The following SFSWAP variants were observed in gnomAD, a reference collection of about 807,000 sequenced individuals.
SFSWAP encodes the protein splicing factor SWAP, also known as splicing factor, suppressor of white-apricot homolog.
In SFSWAP, 17 loss-of-function variants were observed where a neutral mutation model predicts 100.7. The observed-to-expected ratio is 0.17, with a 90% CI of 0.12 to 0.25. The LOEUF is 0.25. Ranked by LOEUF, SFSWAP falls within the 10% of genes least tolerant of loss-of-function variation. The pLI is 1.00. For synonymous variants in SFSWAP, 504 were observed against 510.1 expected (o/e 0.99, Z 0.16); for missense variants, 1,005 against 1,262.6 (o/e 0.80, Z 3.09).
At chr12:131,764,746 C>T in intron 12 of SFSWAP, 60 bp downstream of exon 12, 2 of 1,251,804 alleles carry the variant, frequency 1.6e-6, no homozygotes, top group East Asian at 2.5e-5. Flanking sequence ...TAAGATTTAT[C>T]TGCTAAGCCA....
chr12:131,728,068 T>C (rs1487123198), intron 6 of SFSWAP, among the ~76,000 whole-genome samples: 1 of 152,240 alleles, frequency 6.6e-6, no homozygotes, highest in African/African-American at 2.4e-5. Flanking sequence ...TCTGTCCTTT[T>C]CTTGGTAGTT....
chr12:131,754,534 C>A, intron 9 of SFSWAP, 35 bp downstream of exon 9: 2 of 1,400,726 alleles, frequency 1.4e-6, no homozygotes, highest in South Asian at 1.6e-5. Context: ...AGGTATATGG[C>A]ATTTGGGGGT....
rs576403221 is a variant in SFSWAP, at chr12:131,762,228, G to A, written c.1721-2228G>A. Among the ~76,000 whole-genome samples, 9 of 151,174 alleles carry A rather than the reference G, an allele frequency of 6.0e-5. No individual in the cohort carries two copies. In the South Asian group the frequency reaches 6.3e-4, roughly 11 times the overall value. On this transcript the variant is annotated intron_variant, in intron 11 of 17. Coordinates refer to ENST00000261674, the MANE Select transcript of SFSWAP (RefSeq NM_004592.4). Reference sequence around the variant, plus strand: ...AGCCTGGGCGACAGAGCGAGACTCCGTCTCCAAAAAAAAAACAAAAAAAAA... The same window carrying A: ...AGCCTGGGCGACAGAGCGAGACTCCATCTCCAAAAAAAAAACAAAAAAAAA...
intron 11 of SFSWAP, among the ~76,000 whole-genome samples, chr12:131,759,315 C>G (rs1882449651): frequency 6.6e-6 from 1 of 152,060 alleles, no homozygotes; most frequent in Admixed American, 6.6e-5. Context: ...CCTCTCAACC[C>G]AGGCAGTCAG....
In SFSWAP at chr12:131,797,284, G is replaced by A. The variant is rs1885748102; in HGVS notation, c.2641G>A (p.Ala881Thr). Residue 881 changes from alanine to threonine, a missense_variant, in exon 16 of 18, where the codon GCC becomes ACC. By Grantham distance (58) the Ala-to-Thr change is moderately conservative (BLOSUM62 0). This residue lies in a region of SFSWAP where 295 missense variants were observed against 347.9 expected (regional missense o/e 0.85). Coordinates refer to ENST00000261674, the MANE Select transcript of SFSWAP (RefSeq NM_004592.4). ...CAAGCAGGCAGCGCCCCGGCCCGCGGCCCCCGCGGCCCACTCGGCGCACTC... is the reference window on the plus strand; with the variant it reads ...CAAGCAGGCAGCGCCCCGGCCCGCGACCCCCGCGGCCCACTCGGCGCACTC... Reference protein sequence around the residue: ...PSKQAAPRPAAPAAHSAHSAS... With the variant: ...PSKQAAPRPATPAAHSAHSAS... 3 of 1,611,318 alleles carry A rather than the reference G, an allele frequency of 1.9e-6. No homozygotes were observed. The highest frequency in any genetic ancestry group is 2.5e-6 in the Non-Finnish European group (3 of 1,178,984).
At chr12:131,796,025 A>AGGGGAGGGGAGGGGAGAG (rs1593200270) in intron 15 of SFSWAP, 2 of 1,318 alleles carry the variant, frequency 1.5e-3, no homozygotes, top group Admixed American at 0.018. Flanking sequence ...GGAGAGGGGG[A>AGGGGAGGGGAGGGGAGAG]GGGGAGGGGA....
intron 7 of SFSWAP, among the ~76,000 whole-genome samples, chr12:131,749,266 C>CTA (rs1341564340): frequency 6.6e-6 from 1 of 152,174 alleles, no homozygotes; most frequent in South Asian, 2.1e-4. Flanking sequence ...AGTAGCCTCG[C>CTA]TATAAGCCCA....
rs142267239 is a variant in SFSWAP, at chr12:131,754,395, C to T, written c.1350C>T (p.Ile450=). The change falls in exon 9 of 18, where the codon ATC becomes ATT. Residue 450 remains isoleucine (I), a synonymous_variant. Transcript: ENST00000261674. ...CACTTGCCCCCGTGGCCGCCATCAT[C>T]CCCCCGCCCCCCGACGTCCAGCCCG... The part of the protein sequence containing the change: ...TSALAPVAAI[I]PPPPDVQPVI... The T allele has an allele frequency of 3.8e-6, 6 of 1,578,324 alleles. No homozygotes were observed. The highest frequency in any genetic ancestry group is 1.4e-5 in the African/African-American group (1 of 73,034).
chr12:131,775,687 C>G (rs1359379115), intron 13 of SFSWAP, among the ~76,000 whole-genome samples: 2 of 152,146 alleles, frequency 1.3e-5, no homozygotes, highest in Non-Finnish European at 1.5e-5. Flanking sequence ...TTTAAAGGAT[C>G]ATTTAGCATT....
In SFSWAP at chr12:131,711,625, A is replaced by T; in HGVS notation, c.218+178A>T. 1 of 605,364 alleles carries T rather than the reference A, an allele frequency of 1.7e-6. No individual in the cohort carries two copies. Among genetic ancestry groups the T allele is most frequent in the Non-Finnish European group, 2.9e-6 (1 of 342,598 alleles). 37.5% of individuals were successfully genotyped at this position (605,364 alleles called of 1,614,324 possible). A position where few individuals can be genotyped will look rare whatever the true frequency, so the allele number is the denominator to read the frequency against. On this transcript the variant is annotated intron_variant, in intron 1 of 17. Transcript: ENST00000261674. This position sits in a 1 kb window ranked among gnomAD's most constrained non-coding sequence, Gnocchi z 4.9. ...TTCTGGTGGGGAGGGGGACGGTGAA[A>T]CCTGCCCTAAGGCACTGGCTGGAAT...
intron 12 of SFSWAP, 125 bp downstream of exon 12, chr12:131,764,811 G>T: frequency 1.5e-6 from 1 of 679,606 alleles, no homozygotes; most frequent in Non-Finnish European, 2.5e-6. Flanking sequence ...CGACCTATTT[G>T]GGAGTTGTGT....
At chr12:131,773,028 G>T (rs985857399) in intron 13 of SFSWAP, among the ~76,000 whole-genome samples, 1 of 152,142 alleles carries the variant, frequency 6.6e-6, no homozygotes, top group Non-Finnish European at 1.5e-5. Flanking sequence ...TCTCTTCTGT[G>T]TGTGTCCCCT....
intron 9 of SFSWAP, 41 bp from the exon 10 acceptor site, chr12:131,755,345 T>C (rs1316124347): frequency 7.1e-7 from 1 of 1,407,964 alleles, no homozygotes. Flanking sequence ...TCAGTGAGCT[T>C]GTCTTGGTAA....
Position 131,778,232 on chromosome 12 carries a change from T to A in SFSWAP, c.2310T>A (p.Arg770=). ...KHKKRSRTRS[R]SPKYHSSSKS... is the part of the protein sequence containing the mutation. ...AAAAAAGATCTCGAACAAGATCACG[T>A]TCTCCCAAGTACCATTCGTCATCCA... Residue 770 remains arginine (R), a synonymous_variant, in exon 14 of 18, where the codon CGT becomes CGA. Transcript: ENST00000261674. This position sits in a 1 kb window ranked among gnomAD's most constrained non-coding sequence, Gnocchi z 4.2. 1 of 1,613,742 alleles carries A rather than the reference T, an allele frequency of 6.2e-7. No homozygotes were observed. The highest frequency in any genetic ancestry group is 8.5e-7 in the Non-Finnish European group (1 of 1,179,962).
At chr12:131,719,060 G>A (rs1452881096) in intron 3 of SFSWAP, among the ~76,000 whole-genome samples, 1 of 152,204 alleles carries the variant, frequency 6.6e-6, no homozygotes, top group African/African-American at 2.4e-5. Context: ...ATTGAGGGAT[G>A]TGAGACCCGC....
intron 13 of SFSWAP, 33 bp downstream of exon 13, chr12:131,766,341 G>A (rs1883117847): frequency 2.5e-6 from 4 of 1,589,918 alleles, no homozygotes; most frequent in Non-Finnish European, 2.6e-6. Context: ...TATCTGCGGG[G>A]CTGTGTGATA....
At chr12:131,753,603 G>A (rs776952577) in intron 8 of SFSWAP, 28 of 547,662 alleles carry the variant, frequency 5.1e-5, no homozygotes, top group Middle Eastern at 4.8e-4. Context: ...ATTTCACGTC[G>A]CACGCTGGCC....
chr12:131,764,040 C>T (rs1409977461), intron 11 of SFSWAP, among the ~76,000 whole-genome samples: 2 of 152,088 alleles, frequency 1.3e-5, no homozygotes, highest in African/African-American at 2.4e-5. Flanking sequence ...GCAGGAGAAT[C>T]GCTTGAACCT....
intron 7 of SFSWAP, among the ~76,000 whole-genome samples, chr12:131,749,623 G>A (rs138827512): frequency 3.3e-5 from 5 of 152,314 alleles, no homozygotes; most frequent in East Asian, 1.9e-4. Context: ...CATTGTGTGC[G>A]GCACGTGTCA....
Sources: gnomAD v4.1 joint callset for allele counts (sites outside exome capture counted in the v4.1 genomes callset) on GRCh38, gnomAD v4.1.1 for gene constraint, gnomAD v4.1.1 regional missense constraint, Gnocchi (gnomAD v3.1) non-coding constraint, MANE v1.5 for transcripts, NCBI Gene and HGNC (gene_info 2026-07-23, HGNC 2026-07-21) for gene names.